The following PIAS1 variants were observed in gnomAD, a reference collection of about 807,000 sequenced individuals.
PIAS1 encodes the protein E3 SUMO-protein ligase PIAS1.
A neutral mutation model predicts 71.3 loss-of-function variants in PIAS1; 6 were observed. The ratio of observed to expected loss-of-function variants is 0.08; its 90% CI spans 0.05 to 0.17. The LOEUF is 0.17. Among genes scored for constraint, PIAS1 ranks in the 10% least tolerant of loss-of-function variants. The pLI, the probability that PIAS1 is intolerant of heterozygous loss-of-function variation, is 1.00. For synonymous variants in PIAS1, 303 were observed against 292.9 expected (o/e 1.03, Z -0.35); for missense variants, 555 against 793.6 (o/e 0.70, Z 3.61).
intron 12 of PIAS1, chr15:68,181,585 A>T: frequency 2.3e-6 from 1 of 429,708 alleles, no homozygotes; most frequent in Non-Finnish European, 4.3e-6. Flanking sequence ...TAGTGCAATA[A>T]TCTTTAGTTT....
chr15:68,177,408 T>C (rs1460843742), intron 11 of PIAS1, among the ~76,000 whole-genome samples: 1 of 152,038 alleles, frequency 6.6e-6, no homozygotes, highest in African/African-American at 2.4e-5. Flanking sequence ...TCACCCCAAG[T>C]TGAGTGTTTC....
rs1162181115 is a variant in PIAS1 at position 68,186,861 on chromosome 15, A to G, written c.1663-681A>G. ...GCCAGACCACACAGCCTAGGTGTGT[A>G]GCAGGCTCTACTGTCTAGGTTTGTG... On this transcript the variant is annotated intron_variant, in intron 13 of 13. Coordinates refer to ENST00000249636, the MANE Select transcript of PIAS1 (RefSeq NM_016166.3). The surrounding 1 kb of genome is among the most constrained non-coding windows in gnomAD (Gnocchi z 4.4). Among the ~76,000 whole-genome samples, 2 of 152,270 alleles carry G rather than the reference A, an allele frequency of 1.3e-5. No homozygotes were observed. Among genetic ancestry groups the G allele is most frequent in the Non-Finnish European group, 2.9e-5 (2 of 68,046 alleles).
chr15:68,130,667 TAA>T (rs11349222), intron 2 of PIAS1, among the ~76,000 whole-genome samples: 15 of 126,930 alleles, frequency 1.2e-4, no homozygotes, highest in African/African-American at 2.0e-4. Flanking sequence ...AGGTAACACT[TAA>T]AAAAAAAAAA....
chr15:68,166,146 G>T (rs1438223817), intron 8 of PIAS1, among the ~76,000 whole-genome samples: 1 of 151,974 alleles, frequency 6.6e-6, no homozygotes, highest in Non-Finnish European at 1.5e-5. Context: ...TTGTATCATT[G>T]TGTATATATC....
At chr15:68,119,839 T>A (rs79141593) in intron 2 of PIAS1, among the ~76,000 whole-genome samples, 3,139 of 152,360 alleles carry the variant, frequency 0.021, 111 homozygotes, top group African/African-American at 0.071. Flanking sequence ...TTCATGTATT[T>A]GGAAGCTCTA....
chr15:68,075,495 A>G (rs1238248255), intron 1 of PIAS1, among the ~76,000 whole-genome samples: 2 of 152,226 alleles, frequency 1.3e-5, no homozygotes, highest in Admixed American at 6.5e-5. Flanking sequence ...GATAATGATC[A>G]TAATGATCTG....
At chr15:68,155,314 T>A (rs915643885) in intron 7 of PIAS1, among the ~76,000 whole-genome samples, 1 of 152,070 alleles carries the variant, frequency 6.6e-6, no homozygotes, top group Admixed American at 6.6e-5. Context: ...TGGATGAGAT[T>A]TTTGTGGAAA....
At chr15:68,175,083 T>C (rs1398139151) in intron 9 of PIAS1, among the ~76,000 whole-genome samples, 1 of 152,230 alleles carries the variant, frequency 6.6e-6, no homozygotes, top group Non-Finnish European at 1.5e-5. Context: ...TGTCTTTCCA[T>C]AATTGTGATT....
At position 68,188,118 on chromosome 15, in the gene PIAS1, T is replaced by C; in HGVS notation, c.*283T>C. On this transcript the variant is annotated 3_prime_UTR_variant, in exon 14 of 14. Transcript: ENST00000249636. Reference sequence around the variant, plus strand: ...GAAAAACAAGCACCCACAAACCACCTTCAGTTCATTTTTTTCTGGATTCTG... The same window carrying C: ...GAAAAACAAGCACCCACAAACCACCCTCAGTTCATTTTTTTCTGGATTCTG... 1 of 220,826 alleles carries C rather than the reference T, an allele frequency of 4.5e-6. No homozygotes were observed. Among genetic ancestry groups the C allele is most frequent in the Non-Finnish European group, 9.0e-6 (1 of 111,182 alleles). 13.7% of individuals were successfully genotyped at this position (220,826 alleles called of 1,614,324 possible). A position where few individuals can be genotyped will look rare whatever the true frequency, so the allele number is the denominator to read the frequency against.
intron 6 of PIAS1, among the ~76,000 whole-genome samples, chr15:68,152,842 T>C (rs1432959824): frequency 6.6e-6 from 1 of 151,942 alleles, no homozygotes; most frequent in African/African-American, 2.4e-5. Context: ...CCCAACCATG[T>C]ACCCTTCACT....
chr15:68,175,291 C>A (rs2093014388), intron 9 of PIAS1, among the ~76,000 whole-genome samples: 1 of 151,858 alleles, frequency 6.6e-6, no homozygotes. Context: ...TTATTGTGGG[C>A]AATTTAGAAT....
chr15:68,156,570 A>G (rs930006498), intron 7 of PIAS1, among the ~76,000 whole-genome samples: 3 of 152,096 alleles, frequency 2.0e-5, no homozygotes, highest in South Asian at 4.2e-4. Flanking sequence ...TTATCCTGGC[A>G]TGGTGGCATG....
intron 6 of PIAS1, among the ~76,000 whole-genome samples, chr15:68,151,783 C>T (rs2092847484): frequency 6.6e-6 from 1 of 150,670 alleles, no homozygotes; most frequent in Non-Finnish European, 1.5e-5. Flanking sequence ...TCACTTGAAC[C>T]CGGGAGGTGG....
intron 1 of PIAS1, among the ~76,000 whole-genome samples, chr15:68,079,425 G>C (rs11854599): frequency 4.6e-5 from 7 of 151,954 alleles, no homozygotes; most frequent in African/African-American, 1.7e-4. Context: ...TTAGAAATTT[G>C]CACTCTAAAT....
chr15:68,119,491 A>G (rs1200419932), intron 2 of PIAS1, among the ~76,000 whole-genome samples: 1 of 151,762 alleles, frequency 6.6e-6, no homozygotes, highest in Middle Eastern at 3.2e-3. Context: ...TTCCTAATAT[A>G]TTTCTGTTAT....
intron 2 of PIAS1, among the ~76,000 whole-genome samples, chr15:68,090,927 G>GGGTGTGTGT (rs71455575): frequency 7.0e-6 from 1 of 142,762 alleles, no homozygotes; most frequent in Non-Finnish European, 1.5e-5. Context: ...GTCATTTACG[G>GGGTGTGTGT]GTGTGTGTGT....
chr15:68,146,179 A>G (rs1032879299), intron 5 of PIAS1, among the ~76,000 whole-genome samples: 2 of 152,126 alleles, frequency 1.3e-5, no homozygotes, highest in Admixed American at 1.3e-4. Flanking sequence ...AGCTGTGTTC[A>G]TGTGAGTCTA....
Position 68,192,155 on chromosome 15 carries a change from T to A in PIAS1, c.*4320T>A, listed in dbSNP as rs2093123321. 6.6e-6 allele frequency: 1 copy of A among 152,198 alleles called. No homozygotes were observed. 9.4% of individuals were successfully genotyped at this position (152,198 alleles called of 1,614,324 possible). A position where few individuals can be genotyped will look rare whatever the true frequency, so the allele number is the denominator to read the frequency against. On this transcript the variant is annotated 3_prime_UTR_variant, in exon 14 of 14. Transcript: ENST00000249636. ...CCCATCTAATCTTTGGTATTCCAGG[T>A]TGGCTGTGCAGGATTTACTTCCTAA...
rs779600089 is a variant in PIAS1, at chr15:68,183,686, A to C, written c.1662+19A>C. 1.9e-5 allele frequency: 18 copies of C among 952,338 alleles called. No homozygotes were observed. The highest frequency in any genetic ancestry group is 1.4e-4 in the Admixed American group (6 of 44,386). The allele number at this position is 952,338 out of a possible 1,614,324, so 59.0% of individuals were successfully genotyped here. A position where few individuals can be genotyped will look rare whatever the true frequency, so the allele number is the denominator to read the frequency against. The stretch of plus-strand genomic sequence containing the variant: ...CAATCAGGTATGTTATGAAAAATTT[A>C]CTATTATTTTAATTGTACATTAAAA... On this transcript the variant is annotated intron_variant, in intron 13 of 13. Coordinates refer to ENST00000249636, the MANE Select transcript of PIAS1 (RefSeq NM_016166.3).
Sources: gnomAD v4.1 joint callset for allele counts (sites outside exome capture counted in the v4.1 genomes callset) on GRCh38, gnomAD v4.1.1 for gene constraint, Gnocchi (gnomAD v3.1) non-coding constraint, MANE v1.5 for transcripts, NCBI Gene and HGNC (gene_info 2026-07-23, HGNC 2026-07-21) for gene names.